CHD7: variants seen among roughly 807,000 people sequenced by gnomAD.
The protein encoded by CHD7 is ATP-dependent chromatin remodeler CHD7.
A neutral mutation model predicts 307.3 loss-of-function variants in CHD7; 24 were observed. The ratio of observed to expected loss-of-function variants is 0.08; its 90% CI spans 0.06 to 0.11. CHD7 has a LOEUF of 0.11. Ranked by LOEUF, CHD7 falls within the 10% of genes least tolerant of loss-of-function variation. CHD7 has a pLI of 1.00. For synonymous variants in CHD7, 1,363 were observed against 1,349.9 expected (o/e 1.01, Z -0.21); for missense variants, 3,106 against 3,727.1 (o/e 0.83, Z 4.34).
At position 60,856,165 on chromosome 8, in the gene CHD7, G is replaced by A. The variant is rs1436635568; in HGVS notation, c.7127G>A (p.Gly2376Glu). 1.2e-6 allele frequency: 2 copies of A among 1,603,580 alleles called. No homozygotes were observed. Among genetic ancestry groups the A allele is most frequent in the Non-Finnish European group, 8.5e-7 (1 of 1,174,954 alleles). ...ATGGTCGGCCAAGCCAGCATTAGTGGGAGTGAGGACATCACTACGTCTCCT... is the reference window on the plus strand; with the variant it reads ...ATGGTCGGCCAAGCCAGCATTAGTGAGAGTGAGGACATCACTACGTCTCCT... Reference protein sequence around the residue: ...LSMVGQASISGSEDITTSPQL... With the variant: ...LSMVGQASISESEDITTSPQL... The change falls in exon 33 of 38, where the codon GGG (glycine) becomes GAG (glutamate). Residue 2376 changes from glycine (G) to glutamate (E), a missense_variant. Transcript: ENST00000423902.
chr8:60,780,131 C>G (rs997307059), intron 2 of CHD7, among the ~76,000 whole-genome samples: 3 of 152,194 alleles, frequency 2.0e-5, no homozygotes, highest in Non-Finnish European at 4.4e-5. Context: ...CAGCCCTGCT[C>G]TGGTTTGGAT....
chr8:60,865,916 A>G lies in CHD7; in HGVS notation c.8977A>G (p.Asn2993Asp), dbSNP rs1194698970. The G allele has an allele frequency of 1.0e-5, 16 of 1,603,356 alleles. No individual in the cohort carries two copies. Among genetic ancestry groups the G allele is most frequent in the Non-Finnish European group, 1.4e-5 (16 of 1,174,816 alleles). Residue 2993 changes from asparagine to aspartate, a missense_variant, in exon 38 of 38, where the codon AAT becomes GAT. By Grantham distance (23) the Asn-to-Asp change is conservative. This residue lies in a region of CHD7 where 351 missense variants were observed against 366.2 expected (regional missense o/e 0.96). Transcript: ENST00000423902. The surrounding 1 kb of genome is among the most constrained non-coding windows in gnomAD (Gnocchi z 4.3). Reference protein sequence around the residue: ...SLDGGDEIENNENDE With the variant: ...SLDGGDEIENDENDE ...TGATGGGGGGGATGAAATAGAAAAC[A>G]ATGAAAATGATGAATAACCAGTACC... is the stretch of plus-strand genomic sequence containing the variant.
At position 60,741,607 on chromosome 8, in the gene CHD7, A is replaced by G; in HGVS notation, c.175A>G (p.Thr59Ala). Residue 59 changes from threonine to alanine, a missense_variant, in exon 2 of 38, where the codon ACT becomes GCT. Coordinates refer to ENST00000423902, the MANE Select transcript of CHD7 (RefSeq NM_017780.4). ...SLQPSLHHPS[T>A]NQNQTKLTHF... ...ACAGCCATCCCTTCATCATCCTTCA[A>G]CTAATCAAAATCAAACAAAGCTGAC... is the stretch of plus-strand genomic sequence containing the variant. The G allele has an allele frequency of 1.2e-6, 2 of 1,613,784 alleles. No individual in the cohort carries two copies. Among genetic ancestry groups the G allele is most frequent in the South Asian group, 1.1e-5 (1 of 91,008 alleles).
chr8:60,854,266 G>C, intron 31 of CHD7, 97 bp from the exon 32 acceptor site: 1 of 1,036,676 alleles, frequency 9.6e-7, no homozygotes, highest in Non-Finnish European at 1.4e-6. Flanking sequence ...CAATAAAATG[G>C]AGCTGATTAG....
chr8:60,844,924 A>G lies in CHD7; in HGVS notation c.4911A>G (p.Gln1637=), dbSNP rs1338226978. The G allele has an allele frequency of 1.2e-6, 2 of 1,613,610 alleles. No individual in the cohort carries two copies. Among genetic ancestry groups the G allele is most frequent in the South Asian group, 1.1e-5 (1 of 90,998 alleles). Reference sequence around the variant, plus strand: ...GCTATAAACGCCAACTCACTGAGCAAGATGTAGAAACCATCTGCAGAACCA... The same window carrying G: ...GCTATAAACGCCAACTCACTGAGCAGGATGTAGAAACCATCTGCAGAACCA... ...HGRYKRQLTE[Q]DVETICRTIL... Residue 1637 remains glutamine, a synonymous_variant, in exon 22 of 38, where the codon CAA becomes CAG. Transcript: ENST00000423902.
At chr8:60,695,893 C>G (rs1036012333) in intron 1 of CHD7, among the ~76,000 whole-genome samples, 1 of 152,050 alleles carries the variant, frequency 6.6e-6, no homozygotes, top group Non-Finnish European at 1.5e-5. Context: ...TAAGTATAAA[C>G]TTCTTTTTTT....
Position 60,851,277 on chromosome 8 carries a change from C to G in CHD7, c.5623C>G (p.Pro1875Ala). ...TGCTTTCAAGGAATTTGCAAATTCT[C>G]CTTCAGAGGATAAGGAAGAATCCAT... ...KDEIDEFANSPSEDKEESMEI... is the reference protein window; with the variant it reads ...KDEIDEFANSASEDKEESMEI... The change falls in exon 28 of 38, where the codon CCT becomes GCT. Residue 1875 changes from proline (P) to alanine (A), a missense_variant. By Grantham distance (27) the Pro-to-Ala change is conservative (BLOSUM62 -1). Coordinates refer to ENST00000423902, the MANE Select transcript of CHD7 (RefSeq NM_017780.4). The G allele has an allele frequency of 6.4e-7, 1 of 1,556,690 alleles. No homozygotes were observed. Among genetic ancestry groups the G allele is most frequent in the East Asian group, 2.4e-5 (1 of 41,626 alleles).
chr8:60,751,924 G>T (rs569121742), intron 2 of CHD7, among the ~76,000 whole-genome samples: 1 of 152,206 alleles, frequency 6.6e-6, no homozygotes, highest in African/African-American at 2.4e-5. Flanking sequence ...TTTCCAGGAC[G>T]ATGGGAGTGA....
At position 60,741,453 on chromosome 8, in the gene CHD7, G is replaced by A. The variant is rs1809002113; in HGVS notation, c.21G>A (p.Met7Ile). ...AGAAGATGGCAGATCCAGGAATGAT[G>A]AGTCTTTTTGGCGAGGATGGGAATA... is the stretch of plus-strand genomic sequence containing the variant. MADPGM[M>I]SLFGEDGNIF... The change falls in exon 2 of 38, where the codon ATG becomes ATA. Residue 7 changes from methionine to isoleucine, a missense_variant. Physicochemically the swap from Met to Ile is conservative, Grantham distance 10. Coordinates refer to ENST00000423902, the MANE Select transcript of CHD7 (RefSeq NM_017780.4). 1 of 1,608,122 alleles carries A rather than the reference G, an allele frequency of 6.2e-7. No homozygotes were observed. Among genetic ancestry groups the A allele is most frequent in the South Asian group, 1.1e-5 (1 of 89,756 alleles).
At chr8:60,683,194 C>T (rs141380878) in intron 1 of CHD7, among the ~76,000 whole-genome samples, 55 of 152,264 alleles carry the variant, frequency 3.6e-4, no homozygotes, top group African/African-American at 1.1e-3. Context: ...CTATTTTCCC[C>T]TTTCTCTATA....
intron 3 of CHD7, among the ~76,000 whole-genome samples, chr8:60,786,786 A>G (rs1316552774): frequency 1.3e-5 from 2 of 152,212 alleles, no homozygotes; most frequent in East Asian, 1.9e-4. Context: ...TATATTTGTG[A>G]AAATGAAGTG....
In CHD7 at chr8:60,814,669, A is replaced by G. The variant is rs370653695; in HGVS notation, c.2499-1718A>G. On this transcript the variant is annotated intron_variant, in intron 7 of 37. Coordinates refer to ENST00000423902, the MANE Select transcript of CHD7 (RefSeq NM_017780.4). ...ACCATATTGGTCAGGCTGGTCTCGA[A>G]CTACTGGCCTCAGGTGATCTGCCTG... 3.3e-5 allele frequency among the ~76,000 whole-genome samples: 5 copies of G among 152,346 alleles called. No homozygotes were observed. The East Asian group carries it at 7.7e-4, about 23-fold the overall frequency.
intron 15 of CHD7, among the ~76,000 whole-genome samples, chr8:60,835,469 G>A (rs1804700482): frequency 6.6e-6 from 1 of 152,236 alleles, no homozygotes; most frequent in Non-Finnish European, 1.5e-5. Context: ...GGGAATGAAT[G>A]TGGAGGGAGA....
intron 9 of CHD7, among the ~76,000 whole-genome samples, chr8:60,821,562 A>G (rs911292682): frequency 2.0e-5 from 3 of 151,512 alleles, no homozygotes; most frequent in Non-Finnish European, 4.4e-5. Flanking sequence ...ATAAGCATGT[A>G]TATACACCTA....
chr8:60,695,482 T>C (rs901446435), intron 1 of CHD7, among the ~76,000 whole-genome samples: 1 of 152,162 alleles, frequency 6.6e-6, no homozygotes, highest in African/African-American at 2.4e-5. Context: ...GAAATGCAGG[T>C]ACTAGAAATT....
At chr8:60,846,220 T>C (rs1331307620) in intron 23 of CHD7, among the ~76,000 whole-genome samples, 2 of 152,234 alleles carry the variant, frequency 1.3e-5, no homozygotes, top group Non-Finnish European at 2.9e-5. Context: ...CAGCATTATA[T>C]GATCCCACTT....
At chr8:60,762,829 A>G (rs1320136505) in intron 2 of CHD7, among the ~76,000 whole-genome samples, 1 of 152,094 alleles carries the variant, frequency 6.6e-6, no homozygotes, top group Non-Finnish European at 1.5e-5. Context: ...ATGCTAGGAC[A>G]GAGGAGTGGG....
intron 1 of CHD7, among the ~76,000 whole-genome samples, chr8:60,687,240 C>T (rs567869148): frequency 1.3e-5 from 2 of 152,152 alleles, no homozygotes; most frequent in South Asian, 4.1e-4. Context: ...CCTTTAGTTT[C>T]CAAGGCAGTG....
intron 2 of CHD7, among the ~76,000 whole-genome samples, chr8:60,744,618 C>T (rs907469506): frequency 3.3e-5 from 5 of 150,706 alleles, no homozygotes; most frequent in Non-Finnish European, 7.4e-5. Context: ...TCTGGGAGGC[C>T]GAGGCAGGCA....
Sources: allele counts gnomAD v4.1 joint callset (sites outside exome capture counted in the v4.1 genomes callset), GRCh38; gene constraint gnomAD v4.1.1; regional missense constraint gnomAD v4.1.1; non-coding constraint Gnocchi (gnomAD v3.1); transcripts MANE v1.5; gene names NCBI Gene and HGNC (gene_info 2026-07-23, HGNC 2026-07-21).